TSNAX: variants seen among roughly 807,000 people sequenced by gnomAD.
TSNAX encodes translin-associated protein X.
TSNAX carries 12 observed loss-of-function variants against 33.0 expected under a neutral mutation model. That is an observed-to-expected ratio of 0.36 (90% CI 0.23 to 0.59). TSNAX has a LOEUF of 0.59. Ranked by LOEUF, TSNAX falls within the 20% of genes least tolerant of loss-of-function variation. The pLI is 0.74. For missense variants in TSNAX, 267 were observed against 341.3 expected (o/e 0.78, Z 1.72); for synonymous variants, 110 against 117.2 (o/e 0.94, Z 0.40).
chr1:231,533,273 A>C (rs1476620690), intron 2 of TSNAX, among the ~76,000 whole-genome samples: 1 of 152,008 alleles, frequency 6.6e-6, no homozygotes, highest in Non-Finnish European at 1.5e-5. Flanking sequence ...TAATTTTTGT[A>C]TTTTTAGTAG....
intron 4 of TSNAX, 86 bp downstream of exon 4, chr1:231,542,697 C>A: frequency 2.2e-6 from 3 of 1,393,134 alleles, no homozygotes; most frequent in South Asian, 2.8e-5. Flanking sequence ...TTTTAAGTGA[C>A]ACCTGATGAA....
chr1:231,561,012 A>T, intron 4 of TSNAX, 116 bp from the exon 5 acceptor site: 1 of 967,800 alleles, frequency 1.0e-6, no homozygotes. Flanking sequence ...GCATTGTAGT[A>T]GGCATCCATT....
At chr1:231,541,396 C>T (rs1659563926) in intron 3 of TSNAX, among the ~76,000 whole-genome samples, 1 of 152,184 alleles carries the variant, frequency 6.6e-6, no homozygotes, top group African/African-American at 2.4e-5. Context: ...GCCCAAGTTT[C>T]AGTTAACACA....
chr1:231,546,365 A>G (rs1374803620), intron 4 of TSNAX, among the ~76,000 whole-genome samples: 1 of 152,250 alleles, frequency 6.6e-6, no homozygotes, highest in South Asian at 2.1e-4. Context: ...GCAAGTTTCC[A>G]GGAGCTATTT....
intron 4 of TSNAX, among the ~76,000 whole-genome samples, chr1:231,554,107 C>G (rs1054621120): frequency 6.6e-6 from 1 of 152,154 alleles, no homozygotes; most frequent in Non-Finnish European, 1.5e-5. Context: ...ATAACTGACA[C>G]TCACCCATAT....
intron 5 of TSNAX, 26 bp from the exon 6 acceptor site, chr1:231,564,499 GTTT>G: frequency 6.7e-7 from 1 of 1,491,014 alleles, no homozygotes; most frequent in African/African-American, 1.4e-5. Flanking sequence ...GTGTGTGTGT[GTTT>G]TTGTTTTGTT....
chr1:231,539,884 A>G (rs766374932), intron 3 of TSNAX, among the ~76,000 whole-genome samples: 7 of 152,192 alleles, frequency 4.6e-5, no homozygotes, highest in Non-Finnish European at 8.8e-5. Flanking sequence ...TCAGGAAAGT[A>G]AAGATACTTC....
At chr1:231,544,893 A>G (rs1169186386) in intron 4 of TSNAX, among the ~76,000 whole-genome samples, 3 of 152,120 alleles carry the variant, frequency 2.0e-5, no homozygotes, top group Non-Finnish European at 4.4e-5. Context: ...AGATTTTCCT[A>G]CTTCACTGTA....
At chr1:231,549,038 A>C (rs1660123618) in intron 4 of TSNAX, among the ~76,000 whole-genome samples, 1 of 152,218 alleles carries the variant, frequency 6.6e-6, no homozygotes, top group Non-Finnish European at 1.5e-5. Context: ...GGGTAGTTAC[A>C]GATGGGTATA....
In TSNAX at chr1:231,559,982, A is replaced by ATTT. The variant is rs1478597848; in HGVS notation, c.368-1144_368-1143insTTT. ...GATCCAAATTATTATTATTATTATTATTATTTTTTTTTTTTTGCGACGAGT... is the reference window on the plus strand; with the variant it reads ...GATCCAAATTATTATTATTATTATTATTTTTATTTTTTTTTTTTTGCGACGAGT... On this transcript the variant is annotated intron_variant, in intron 4 of 5. Transcript: ENST00000366639. Among the ~76,000 whole-genome samples the ATTT allele has an allele frequency of 6.2e-5, 9 of 144,956 alleles. No individual in the cohort carries two copies. The South Asian group carries it at 6.4e-4, about 10-fold the overall frequency.
intron 4 of TSNAX, chr1:231,554,811 G>C (rs1660582758): frequency 6.6e-6 from 1 of 152,172 alleles, no homozygotes; most frequent in Admixed American, 6.5e-5. Context: ...CAAGAAGCAG[G>C]TAAGATGGGA....
chr1:231,559,848 A>C lies in TSNAX; in HGVS notation c.368-1280A>C, dbSNP rs190715159. 4.0e-3 allele frequency among the ~76,000 whole-genome samples: 604 copies of C among 151,816 alleles called. 2 individuals are homozygous for C. Among genetic ancestry groups the C allele is most frequent in the Middle Eastern group, 0.021 (6 of 292 alleles). ...TTTTTTCTTAAACTACCAAAGCAGA[A>C]AGGAGTTATCTAGTCTTAGATCCAT... On this transcript the variant is annotated intron_variant, in intron 4 of 5. Transcript: ENST00000366639.
chr1:231,551,571 T>A (rs1660295910), intron 4 of TSNAX, among the ~76,000 whole-genome samples: 1 of 152,054 alleles, frequency 6.6e-6, no homozygotes. Context: ...TTTAGCAAAA[T>A]TAATCTATAA....
intron 5 of TSNAX, among the ~76,000 whole-genome samples, chr1:231,562,543 C>T (rs974603946): frequency 9.2e-5 from 14 of 152,106 alleles, no homozygotes; most frequent in Admixed American, 2.6e-4. Flanking sequence ...CTGCTTCTCA[C>T]GTGATATTAG....
chr1:231,560,395 C>CT (rs1558137824), intron 4 of TSNAX, among the ~76,000 whole-genome samples: 1 of 108,458 alleles, frequency 9.2e-6, no homozygotes, highest in African/African-American at 3.4e-5. Flanking sequence ...ATGGAATAGG[C>CT]TTTTCTTTTC....
chr1:231,532,688 CTCT>C (rs1470973827), intron 2 of TSNAX, among the ~76,000 whole-genome samples: 1 of 151,722 alleles, frequency 6.6e-6, no homozygotes, highest in Non-Finnish European at 1.5e-5. Flanking sequence ...TTGTGATAAT[CTCT>C]TGTTTACTAA....
chr1:231,546,879 G>A (rs1659951417), intron 4 of TSNAX, among the ~76,000 whole-genome samples: 1 of 152,160 alleles, frequency 6.6e-6, no homozygotes, highest in Admixed American at 6.5e-5. Flanking sequence ...GAAAAGGGAG[G>A]AGTGGGGGAT....
chr1:231,563,652 ATTTT>A (rs11313472), intron 5 of TSNAX: 3 of 133,758 alleles, frequency 2.2e-5, no homozygotes, highest in Non-Finnish European at 1.6e-5. Context: ...GTGGATATAA[ATTTT>A]TTTTTTTTTT....
Position 231,565,767 on chromosome 1 carries a change from A to G in TSNAX, c.*862A>G, listed in dbSNP as rs1661382170. The G allele has an allele frequency of 6.6e-6, 1 of 152,166 alleles. No homozygotes were observed. The highest frequency in any genetic ancestry group is 2.1e-4 in the South Asian group (1 of 4,822). The allele number at this position is 152,166 out of a possible 1,614,324, so 9.4% of individuals were successfully genotyped here. A position where few individuals can be genotyped will look rare whatever the true frequency, so the allele number is the denominator to read the frequency against. On this transcript the variant is annotated 3_prime_UTR_variant, in exon 6 of 6. Transcript: ENST00000366639. ...AAAAGAAAGTACAAGTTTATAAAGT[A>G]TTATAGTGAAAAATTCGCATTCTGG...
Sources: allele counts gnomAD v4.1 joint callset (sites outside exome capture counted in the v4.1 genomes callset), GRCh38; gene constraint gnomAD v4.1.1; transcripts MANE v1.5; gene names NCBI Gene and HGNC (gene_info 2026-07-23, HGNC 2026-07-21).